Variants in FUBP3 observed in about 807,000 individuals in gnomAD.
FUBP3 encodes the protein far upstream element binding protein 3.
FUBP3 carries 28 observed loss-of-function variants against 85.6 expected under a neutral mutation model. That is an observed-to-expected ratio of 0.33 (90% CI 0.24 to 0.45). The LOEUF (loss-of-function observed/expected upper bound fraction) is 0.45, where lower values mean the gene tolerates loss of function less well. Among genes scored for constraint, FUBP3 ranks in the 20% least tolerant of loss-of-function variants. The probability of loss-of-function intolerance (pLI) is 1.00; values close to 1 mark genes in which losing one functional copy is unlikely to be tolerated. For missense variants in FUBP3, 583 were observed against 755.1 expected (o/e 0.77, Z 2.67); for synonymous variants, 271 against 271.4 (o/e 1.00, Z 0.01).
chr9:130,579,667 C>T lies in FUBP3; in HGVS notation c.-14C>T. ...GCGGCGTCGGCGGCGGCGGCGACGG[C>T]GGCGGGGGCGGTAATGGCGGAGCTG... On this transcript the variant is annotated 5_prime_UTR_variant, in exon 1 of 19. Transcript: ENST00000319725. The T allele has an allele frequency of 8.0e-7, 1 of 1,244,392 alleles. No homozygotes were observed. The highest frequency in any genetic ancestry group is 1.0e-6 in the Non-Finnish European group (1 of 992,628). 77.1% of individuals were successfully genotyped at this position (1,244,392 alleles called of 1,614,324 possible). A position where few individuals can be genotyped will look rare whatever the true frequency, so the allele number is the denominator to read the frequency against.
intron 16 of FUBP3, 46 bp downstream of exon 16, chr9:130,632,324 G>T (rs374597753): frequency 1.4e-6 from 2 of 1,470,312 alleles, no homozygotes; most frequent in African/African-American, 2.8e-5. Flanking sequence ...GAAAGGTTGC[G>T]GCCCACAGAA....
chr9:130,587,534 C>T (rs1226192249), intron 1 of FUBP3, among the ~76,000 whole-genome samples: 1 of 152,142 alleles, frequency 6.6e-6, no homozygotes, highest in Admixed American at 6.5e-5. Context: ...TACAAGTGGG[C>T]CTCTCCATAC....
chr9:130,587,922 C>G (rs1830424314), intron 1 of FUBP3, among the ~76,000 whole-genome samples: 2 of 152,240 alleles, frequency 1.3e-5, no homozygotes, highest in Admixed American at 6.5e-5. Context: ...TTAATTCTGC[C>G]TAAGCATAGG....
At position 130,630,656 on chromosome 9, in the gene FUBP3, G is replaced by A; in HGVS notation, c.1146G>A (p.Gln382=). ...GTGAGAACATCAAAAGCATCAACCA[G>A]CAGTCAGGGGCGCACGTGGAGCTTC... ...KGGENIKSIN[Q]QSGAHVELQR... Residue 382 remains glutamine (Q), a synonymous_variant, in exon 13 of 19, where the codon CAG becomes CAA. Coordinates refer to ENST00000319725, the MANE Select transcript of FUBP3 (RefSeq NM_003934.2). 2 of 1,601,080 alleles carry A rather than the reference G, an allele frequency of 1.2e-6. No homozygotes were observed. The highest frequency in any genetic ancestry group is 1.7e-6 in the Non-Finnish European group (2 of 1,173,974).
chr9:130,586,482 A>G (rs1267710888), intron 1 of FUBP3, among the ~76,000 whole-genome samples: 3 of 151,222 alleles, frequency 2.0e-5, no homozygotes, highest in Non-Finnish European at 4.4e-5. Context: ...GCTCACTGCA[A>G]CCTCTGCTTC....
intron 16 of FUBP3, 79 bp downstream of exon 16, chr9:130,632,357 GTTCAACTCA>G: frequency 9.2e-7 from 1 of 1,088,744 alleles, no homozygotes. Context: ...AAACGCCCTC[GTTCAACTCA>G]GCCAGCAGGC....
At chr9:130,583,504 A>G (rs1018797631) in intron 1 of FUBP3, among the ~76,000 whole-genome samples, 1 of 152,224 alleles carries the variant, frequency 6.6e-6, no homozygotes, top group African/African-American at 2.4e-5. Flanking sequence ...CTGAACACTC[A>G]AGAGATCTAA....
rs757295048 is a variant in FUBP3, at chr9:130,616,351, A to G, written c.405-4A>G. The G allele has an allele frequency of 6.2e-7, 1 of 1,614,016 alleles. No homozygotes were observed. Among genetic ancestry groups the G allele is most frequent in the Admixed American group, 1.7e-5 (1 of 60,022 alleles). The stretch of plus-strand genomic sequence containing the variant: ...TTCTCTTGTGGTTCTTTTCCCTCCC[A>G]AAGACAAGCCAAACGGCTCCTGGGA... On this transcript the variant is annotated splice_region_variant and splice_polypyrimidine_tract_variant and intron_variant, in intron 6 of 18. Transcript: ENST00000319725. The surrounding 1 kb of genome is among the most constrained non-coding windows in gnomAD (Gnocchi z 4.7).
intron 12 of FUBP3, among the ~76,000 whole-genome samples, chr9:130,629,424 G>A (rs532221889): frequency 8.7e-4 from 133 of 152,314 alleles, no homozygotes; most frequent in African/African-American, 3.0e-3. Flanking sequence ...GTCTCCCGGC[G>A]TCTTTTCTCC....
chr9:130,608,047 T>C (rs182005482), intron 2 of FUBP3, among the ~76,000 whole-genome samples: 13 of 152,372 alleles, frequency 8.5e-5, no homozygotes, highest in Admixed American at 1.3e-4. Flanking sequence ...AAATTTCAAA[T>C]GGCTTTTGAA....
chr9:130,618,161 A>C (rs1351405965), intron 8 of FUBP3, among the ~76,000 whole-genome samples: 1 of 152,228 alleles, frequency 6.6e-6, no homozygotes, highest in Non-Finnish European at 1.5e-5. Context: ...TCAAATGCCC[A>C]GTAACACCTG....
chr9:130,633,052 C>T (rs1564228713), intron 16 of FUBP3, among the ~76,000 whole-genome samples: 2 of 152,252 alleles, frequency 1.3e-5, no homozygotes, highest in Non-Finnish European at 1.5e-5. Flanking sequence ...GCTCGGAGGG[C>T]CTGAGCCCCC....
intron 2 of FUBP3, among the ~76,000 whole-genome samples, chr9:130,601,245 G>C (rs561737407): frequency 6.6e-6 from 1 of 152,120 alleles, no homozygotes; most frequent in Non-Finnish European, 1.5e-5. Flanking sequence ...CAAGTCTCCC[G>C]TCTCATGGTT....
In FUBP3 at chr9:130,579,651, GCGGCGGCGGCGA is replaced by G. The variant is rs753385218; in HGVS notation, c.-20_-9del. Reference sequence around the variant, plus strand: ...CCGAGCGGCGGCGTCGGCGGCGTCGGCGGCGGCGGCGACGGCGGCGGGGGCGGTAATGGCGGA... The same window carrying G: ...CCGAGCGGCGGCGTCGGCGGCGTCGGCGGCGGCGGGGGCGGTAATGGCGGA... On this transcript the variant is annotated 5_prime_UTR_variant, in exon 1 of 19. Coordinates refer to ENST00000319725, the MANE Select transcript of FUBP3 (RefSeq NM_003934.2). 2.2e-5 allele frequency: 26 copies of G among 1,186,028 alleles called. No homozygotes were observed. The East Asian group carries it at 5.7e-4, about 26-fold the overall frequency. 73.5% of individuals were successfully genotyped at this position (1,186,028 alleles called of 1,614,324 possible).
At position 130,612,824 on chromosome 9, in the gene FUBP3, G is replaced by C; in HGVS notation, c.275-132G>C. 1 of 674,102 alleles carries C rather than the reference G, an allele frequency of 1.5e-6. No homozygotes were observed. The highest frequency in any genetic ancestry group is 2.6e-6 in the Non-Finnish European group (1 of 380,010). The allele number at this position is 674,102 out of a possible 1,614,324, so 41.8% of individuals were successfully genotyped here. A position where few individuals can be genotyped will look rare whatever the true frequency, so the allele number is the denominator to read the frequency against. On this transcript the variant is annotated intron_variant, in intron 4 of 18. Coordinates refer to ENST00000319725, the MANE Select transcript of FUBP3 (RefSeq NM_003934.2). This position sits in a 1 kb window ranked among gnomAD's most constrained non-coding sequence, Gnocchi z 4.1. ...CCATCATGCCCAAAGAGTGGAGATG[G>C]GCTCACGGGGGCCAACTCGATGTGT...
intron 5 of FUBP3, 123 bp downstream of exon 5, chr9:130,613,150 T>A: frequency 1.5e-6 from 1 of 652,058 alleles, no homozygotes; most frequent in Non-Finnish European, 2.7e-6. Context: ...CCTTGCACTT[T>A]GGGAGTTGGA....
chr9:130,618,270 C>A (rs1018633905), intron 8 of FUBP3, among the ~76,000 whole-genome samples: 1 of 152,158 alleles, frequency 6.6e-6, no homozygotes, highest in African/African-American at 2.4e-5. Context: ...TTTTGTTTCC[C>A]CCACGTCATC....
chr9:130,622,061 G>T (rs960744298), intron 9 of FUBP3, among the ~76,000 whole-genome samples: 10 of 151,998 alleles, frequency 6.6e-5, no homozygotes, highest in Admixed American at 2.0e-4. Context: ...GGTGGCTCGC[G>T]CCCATAATCC....
intron 12 of FUBP3, 126 bp from the exon 13 acceptor site, chr9:130,630,502 A>C (rs553181436): frequency 7.9e-6 from 5 of 633,314 alleles, no homozygotes; most frequent in Non-Finnish European, 1.3e-5. Context: ...CAACTTCTCT[A>C]CTGTCAGGGC....
Sources: gnomAD v4.1 joint callset for allele counts (sites outside exome capture counted in the v4.1 genomes callset) on GRCh38, gnomAD v4.1.1 for gene constraint, Gnocchi (gnomAD v3.1) non-coding constraint, MANE v1.5 for transcripts, NCBI Gene and HGNC (gene_info 2026-07-23, HGNC 2026-07-21) for gene names.